Variants in VIPAS39 observed in about 807,000 individuals in gnomAD.
The protein encoded by VIPAS39 is spermatogenesis-defective protein 39 homolog.
Under a neutral mutation model 84.7 loss-of-function variants are expected in VIPAS39, and 63 were observed. The ratio of observed to expected loss-of-function variants is 0.74; its 90% confidence interval spans 0.61 to 0.92. VIPAS39 has a LOEUF of 0.92. VIPAS39 is among the 40% of genes least tolerant of loss of function. The pLI is 0.00. For synonymous variants in VIPAS39, 192 were observed against 216.5 expected (o/e 0.89, Z 0.99); for missense variants, 499 against 604.5 (o/e 0.83, Z 1.83).
chr14:77,454,701 C>A (rs191399343), intron 1 of VIPAS39, among the ~76,000 whole-genome samples: 1 of 143,076 alleles, frequency 7.0e-6, no homozygotes, highest in African/African-American at 2.6e-5. Flanking sequence ...AAGTGTCAGA[C>A]GTGGGGACCC....
At chr14:77,432,195 A>C (rs555851026) in intron 16 of VIPAS39, among the ~76,000 whole-genome samples, 20 of 152,320 alleles carry the variant, frequency 1.3e-4, no homozygotes, top group Admixed American at 7.8e-4. Flanking sequence ...CATGTATCTC[A>C]TAACATCTTA....
At chr14:77,456,115 T>C (rs2078956359) in intron 1 of VIPAS39, among the ~76,000 whole-genome samples, 1 of 152,222 alleles carries the variant, frequency 6.6e-6, no homozygotes, top group South Asian at 2.1e-4. Flanking sequence ...AAATGTTATT[T>C]CCTTTTAATA....
In VIPAS39 at chr14:77,444,311, G is replaced by C. The variant is rs267607173; in HGVS notation, c.535C>G (p.Gln179Glu). 3 of 1,613,648 alleles carry C rather than the reference G, an allele frequency of 1.9e-6. No individual in the cohort carries two copies. The highest frequency in any genetic ancestry group is 1.1e-5 in the South Asian group (1 of 91,076). ...TCTTCTAGGAGTTGTAGTTTGTCCT[G>C]TAAGGAGCGGAATCTCTCTAGTGAG... is the stretch of plus-strand genomic sequence containing the variant. ...VCSLERFRSL[Q>E]DKLQLLEEAV... Residue 179 changes from glutamine to glutamate, a missense_variant, in exon 8 of 20, where the codon CAG becomes GAG. Coordinates refer to ENST00000557658, the MANE Select transcript of VIPAS39 (RefSeq NM_001193315.2).
intron 1 of VIPAS39, chr14:77,457,166 A>T: frequency 6.9e-7 from 1 of 1,448,530 alleles, no homozygotes; most frequent in Non-Finnish European, 9.0e-7. Flanking sequence ...AACTGAGACC[A>T]GGGAACAAGA....
At chr14:77,449,212 T>C (rs1355145376) in intron 6 of VIPAS39, 81 bp downstream of exon 6, 1 of 1,450,654 alleles carries the variant, frequency 6.9e-7, no homozygotes, top group African/African-American at 1.4e-5. Flanking sequence ...ACTCAAATAG[T>C]TGGGAAAATC....
chr14:77,430,486 G>A (rs2078504184), intron 16 of VIPAS39, among the ~76,000 whole-genome samples: 1 of 152,176 alleles, frequency 6.6e-6, no homozygotes, highest in Non-Finnish European at 1.5e-5. Flanking sequence ...GGAGGCCGAG[G>A]TGGGCGGATC....
At position 77,442,660 on chromosome 14, in the gene VIPAS39, T is replaced by G; in HGVS notation, c.634A>C (p.Ile212Leu). 1 of 1,614,102 alleles carries G rather than the reference T, an allele frequency of 6.2e-7. No homozygotes were observed. The highest frequency in any genetic ancestry group is 8.5e-7 in the Non-Finnish European group (1 of 1,179,962). ...CGCACCTCCAGCTCTCGGAAGAGGA[T>G]CTCTGTCAGACAGTCAGGAGTTAAG... ...IFLKRTLSKE[I>L]LFRELEVRQV... The change falls in exon 10 of 20, where the codon ATC becomes CTC. Residue 212 changes from isoleucine to leucine, a missense_variant and splice_region_variant. Ile to Leu is a conservative substitution (Grantham distance 5, BLOSUM62 2). Coordinates refer to ENST00000557658, the MANE Select transcript of VIPAS39 (RefSeq NM_001193315.2).
At chr14:77,449,667 G>T in intron 5 of VIPAS39, 47 bp downstream of exon 5, 1 of 1,611,246 alleles carries the variant, frequency 6.2e-7, no homozygotes, top group Non-Finnish European at 8.5e-7. Flanking sequence ...GACTGTACCA[G>T]ATCAGTAACA....
At chr14:77,436,169 T>C (rs909372346) in intron 12 of VIPAS39, among the ~76,000 whole-genome samples, 11 of 152,204 alleles carry the variant, frequency 7.2e-5, no homozygotes, top group African/African-American at 2.4e-4. Context: ...ATTTTGCTGA[T>C]AAATGAATTA....
At position 77,444,354 on chromosome 14, in the gene VIPAS39, C is replaced by T; in HGVS notation, c.505-13G>A. On this transcript the variant is annotated splice_polypyrimidine_tract_variant and intron_variant, in intron 7 of 19. Coordinates refer to ENST00000557658, the MANE Select transcript of VIPAS39 (RefSeq NM_001193315.2). Reference sequence around the variant, plus strand: ...CTAGTGAGCAAACCTGGCAGAATAACACTAGAATTAGTACACAAGAAGACA... The same window carrying T: ...CTAGTGAGCAAACCTGGCAGAATAATACTAGAATTAGTACACAAGAAGACA... 6.2e-7 allele frequency: 1 copy of T among 1,607,700 alleles called. No homozygotes were observed. The highest frequency in any genetic ancestry group is 1.1e-5 in the South Asian group (1 of 90,954).
intron 1 of VIPAS39, among the ~76,000 whole-genome samples, chr14:77,454,980 C>T (rs557176978): frequency 1.3e-5 from 2 of 152,008 alleles, no homozygotes; most frequent in Non-Finnish European, 2.9e-5. Context: ...CCTGAAAGAA[C>T]GGAAAGCAAA....
chr14:77,431,954 T>C (rs1342364459), intron 16 of VIPAS39, among the ~76,000 whole-genome samples: 4 of 152,210 alleles, frequency 2.6e-5, no homozygotes, highest in East Asian at 3.8e-4. Context: ...TAAGTGTCCA[T>C]TGACAAACAA....
rs890693601 is a variant in VIPAS39 at position 77,457,528 on chromosome 14, C to G, written c.-34G>C. On this transcript the variant is annotated 5_prime_UTR_variant, in exon 1 of 20. Transcript: ENST00000557658. ...CACAGAGCCCTCCCTCTCAGGACAG[C>G]GCCAGCCTCCGCCGCCGCTGGACCA... is the stretch of plus-strand genomic sequence containing the variant. 31 of 776,250 alleles carry G rather than the reference C, an allele frequency of 4.0e-5. No homozygotes were observed. In the African/African-American group the frequency reaches 4.0e-4, roughly 10 times the overall value. 48.1% of individuals were successfully genotyped at this position (776,250 alleles called of 1,614,324 possible). A position where few individuals can be genotyped will look rare whatever the true frequency, so the allele number is the denominator to read the frequency against.
intron 16 of VIPAS39, among the ~76,000 whole-genome samples, chr14:77,431,636 C>T (rs1198321056): frequency 6.6e-6 from 1 of 151,960 alleles, no homozygotes; most frequent in Non-Finnish European, 1.5e-5. Context: ...TGCCACTGCA[C>T]TTCAGCCTGG....
intron 16 of VIPAS39, 44 bp downstream of exon 16, chr14:77,433,795 CCCT>C (rs1186849414): frequency 6.3e-7 from 1 of 1,584,330 alleles, no homozygotes; most frequent in Non-Finnish European, 8.7e-7. Flanking sequence ...CATGATAGAA[CCCT>C]TCTGTCTCCC....
At chr14:77,442,500 C>T in intron 10 of VIPAS39, 60 bp downstream of exon 10, 3 of 1,415,000 alleles carry the variant, frequency 2.1e-6, no homozygotes, top group South Asian at 2.3e-5. Context: ...CTTTGTATCC[C>T]TCAGAGTGCT....
rs979804206 is a variant in VIPAS39 at position 77,434,380 on chromosome 14, A to T, written c.1048-77T>A. On this transcript the variant is annotated intron_variant, in intron 14 of 19. Coordinates refer to ENST00000557658, the MANE Select transcript of VIPAS39 (RefSeq NM_001193315.2). ...CACCCAAGCTCTCATTTTCTTTCCC[A>T]CTACAGAGACTTTCTACATCTTACT... 3.0e-6 allele frequency: 4 copies of T among 1,319,658 alleles called. No individual in the cohort carries two copies. The African/African-American group carries it at 5.8e-5, about 19-fold the overall frequency. 81.7% of individuals were successfully genotyped at this position (1,319,658 alleles called of 1,614,324 possible). A position where few individuals can be genotyped will look rare whatever the true frequency, so the allele number is the denominator to read the frequency against.
chr14:77,440,462 G>A (rs1173739007), intron 11 of VIPAS39: 2 of 156,856 alleles, frequency 1.3e-5, no homozygotes, highest in Non-Finnish European at 2.8e-5. Context: ...TTCTTTGTGA[G>A]AAGCCAAAAC....
chr14:77,438,742 T>C (rs942652492), intron 11 of VIPAS39, among the ~76,000 whole-genome samples: 1 of 152,236 alleles, frequency 6.6e-6, no homozygotes, highest in South Asian at 2.1e-4. Flanking sequence ...TCCTTGACCA[T>C]GTACATGATC....
Sources: allele counts gnomAD v4.1 joint callset (sites outside exome capture counted in the v4.1 genomes callset), GRCh38; gene constraint gnomAD v4.1.1; transcripts MANE v1.5; gene names NCBI Gene and HGNC (gene_info 2026-07-23, HGNC 2026-07-21).